ITGAD: variants seen among roughly 807,000 people sequenced by gnomAD.
ITGAD encodes the protein integrin subunit alpha D, also known as integrin alpha-D.
Under a neutral mutation model 139.0 loss-of-function variants are expected in ITGAD, and 105 were observed. The ratio of observed to expected loss-of-function variants is 0.76; its 90% CI spans 0.65 to 0.89. ITGAD has a LOEUF of 0.89. Among genes scored for constraint, ITGAD ranks in the 40% least tolerant of loss-of-function variants. The pLI, the probability that ITGAD is intolerant of heterozygous loss-of-function variation, is 0.00. For missense variants in ITGAD, 1,384 were observed against 1,487.3 expected (o/e 0.93, Z 1.14); for synonymous variants, 569 against 598.3 (o/e 0.95, Z 0.71).
chr16:31,415,011 C>T lies in ITGAD; in HGVS notation c.2283+20C>T. On this transcript the variant is annotated intron_variant, in intron 18 of 29. Transcript: ENST00000389202. ...GCTTCTGTGAGTCTTCTGATGAAGT[C>T]CCAGGGATGTGCTGACTTCATTTTG... The T allele has an allele frequency of 6.2e-7, 1 of 1,613,462 alleles. No homozygotes were observed.
chr16:31,394,346 G>A lies in ITGAD; in HGVS notation c.137+5G>A, dbSNP rs1294056469. The A allele has an allele frequency of 6.2e-7, 1 of 1,607,036 alleles. No homozygotes were observed. The highest frequency in any genetic ancestry group is 1.7e-5 in the Admixed American group (1 of 59,918). ...GGTGCAGTTCGGTGGATCTCGGTAGGCCCCACTCACCCTCCTTCCCCAACC... is the reference window on the plus strand; with the variant it reads ...GGTGCAGTTCGGTGGATCTCGGTAGACCCCACTCACCCTCCTTCCCCAACC... On this transcript the variant is annotated splice_donor_5th_base_variant and intron_variant, in intron 2 of 29. Transcript: ENST00000389202.
chr16:31,393,493 A>C, intron 1 of ITGAD, 102 bp downstream of exon 1: 1 of 1,256,814 alleles, frequency 8.0e-7, no homozygotes, highest in Admixed American at 1.7e-5. Flanking sequence ...AACCACTCTT[A>C]TGAGGAGCTG....
Position 31,418,450 on chromosome 16 carries a change from C to T in ITGAD, c.2697-31C>T, listed in dbSNP as rs774073643. The T allele has an allele frequency of 4.3e-6, 7 of 1,610,132 alleles. No homozygotes were observed. In the Admixed American group the frequency reaches 1.0e-4, roughly 23 times the overall value. On this transcript the variant is annotated intron_variant, in intron 22 of 29. Coordinates refer to ENST00000389202, the MANE Select transcript of ITGAD (RefSeq NM_005353.3). ...GGCTAGAGACCCCTCTCCTGGATTC[C>T]TTCCCATTGGTCCCTCCTTTCTGTC...
chr16:31,399,588 C>T (rs1299937912), intron 5 of ITGAD, among the ~76,000 whole-genome samples: 1 of 152,104 alleles, frequency 6.6e-6, no homozygotes, highest in Admixed American at 6.5e-5. Flanking sequence ...ATCCAGGGTT[C>T]TTGGGGGGAC....
rs2082112674 is a variant in ITGAD, at chr16:31,426,190, A to G, written c.*62A>G. The G allele has an allele frequency of 8.7e-7, 1 of 1,143,082 alleles. No individual in the cohort carries two copies. Among genetic ancestry groups the G allele is most frequent in the Non-Finnish European group, 1.3e-6 (1 of 768,252 alleles). 70.8% of individuals were successfully genotyped at this position (1,143,082 alleles called of 1,614,324 possible). ...TGGACTTGCTTGCAACCATAAATCA[A>G]CTTACATGGAAACAACTTCTGCATA... On this transcript the variant is annotated 3_prime_UTR_variant, in exon 30 of 30. Coordinates refer to ENST00000389202, the MANE Select transcript of ITGAD (RefSeq NM_005353.3).
At chr16:31,397,559 G>A in intron 3 of ITGAD, 37 bp from the exon 4 acceptor site, 1 of 1,604,100 alleles carries the variant, frequency 6.2e-7, no homozygotes. Flanking sequence ...AAATGAGTGT[G>A]TGCTGTGAGT....
chr16:31,415,097 A>G (rs2081851159), intron 18 of ITGAD, 106 bp downstream of exon 18: 1 of 1,316,934 alleles, frequency 7.6e-7, no homozygotes, highest in Admixed American at 1.9e-5. Flanking sequence ...CAGTCCAGAA[A>G]CCTGACTCCA....
intron 22 of ITGAD, 33 bp downstream of exon 22, chr16:31,418,413 A>G: frequency 6.2e-7 from 1 of 1,608,406 alleles, no homozygotes; most frequent in Non-Finnish European, 8.5e-7. Flanking sequence ...CCCACCCTCC[A>G]TCGCATGCCC....
Position 31,418,061 on chromosome 16 carries a change from T to C in ITGAD, c.2500-14T>C, listed in dbSNP as rs759833122. ...CATGCGGGTAACTTCTTAAAATTCA[T>C]TCTCCTCCCCTAGAAGCAGCCCCAT... On this transcript the variant is annotated splice_polypyrimidine_tract_variant and intron_variant, in intron 20 of 29. Coordinates refer to ENST00000389202, the MANE Select transcript of ITGAD (RefSeq NM_005353.3). 4 of 1,610,286 alleles carry C rather than the reference T, an allele frequency of 2.5e-6. No individual in the cohort carries two copies. Among genetic ancestry groups the C allele is most frequent in the Non-Finnish European group, 3.4e-6 (4 of 1,176,636 alleles).
chr16:31,422,060 A>G (rs1174848168), intron 23 of ITGAD, among the ~76,000 whole-genome samples: 5 of 151,250 alleles, frequency 3.3e-5, no homozygotes, highest in Non-Finnish European at 7.4e-5. Context: ...CCTCCTGAGT[A>G]GCTGGGACCA....
Position 31,425,230 on chromosome 16 carries a change from C to T in ITGAD, c.3372+653C>T, listed in dbSNP as rs537044870. Among the ~76,000 whole-genome samples, 4 of 152,176 alleles carry T rather than the reference C, an allele frequency of 2.6e-5. No homozygotes were observed. In the East Asian group the frequency reaches 7.7e-4, roughly 29 times the overall value. Reference sequence around the variant, plus strand: ...AGGACTACAGGCACACACCACCACACCTGGCTATTTTTTGTATTTTTAGTA... The same window carrying T: ...AGGACTACAGGCACACACCACCACATCTGGCTATTTTTTGTATTTTTAGTA... On this transcript the variant is annotated intron_variant, in intron 29 of 29. Transcript: ENST00000389202.
At position 31,411,173 on chromosome 16, in the gene ITGAD, A is replaced by G. The variant is rs752222815; in HGVS notation, c.1454A>G (p.Gln485Arg). The G allele has an allele frequency of 2.5e-6, 4 of 1,613,992 alleles. No individual in the cohort carries two copies. In the East Asian group the frequency reaches 8.9e-5, roughly 36 times the overall value. Residue 485 changes from glutamine (Q) to arginine (R), a missense_variant, in exon 13 of 30, where the codon CAG becomes CGG. Gln to Arg is a conservative substitution (Grantham distance 43). Transcript: ENST00000389202. ...ATTGGGGCCCCCCATTACTATGAGC[A>G]GACCCGAGGGGGCCAGGTGTCCGTG... is the stretch of plus-strand genomic sequence containing the variant. ...ILIGAPHYYE[Q>R]TRGGQVSVCP...
intron 23 of ITGAD, among the ~76,000 whole-genome samples, chr16:31,421,332 G>A (rs2082002047): frequency 6.6e-6 from 1 of 151,140 alleles, no homozygotes; most frequent in Non-Finnish European, 1.5e-5. Flanking sequence ...GGCTGCGCAC[G>A]GTGGCTCGTG....
chr16:31,398,437 A>AC (rs897432860), intron 5 of ITGAD, among the ~76,000 whole-genome samples: 6 of 151,636 alleles, frequency 4.0e-5, no homozygotes, highest in South Asian at 4.2e-4. Flanking sequence ...CAAAAAAAAA[A>AC]AAAAAACAAA....
chr16:31,402,262 TG>T lies in ITGAD; in HGVS notation c.558+21del. 3.1e-6 allele frequency: 1 copy of T among 322,814 alleles called. No homozygotes were observed. Among genetic ancestry groups the T allele is most frequent in the Non-Finnish European group, 4.7e-6 (1 of 212,024 alleles). The allele number at this position is 322,814 out of a possible 1,614,324, so 20.0% of individuals were successfully genotyped here. A position where few individuals can be genotyped will look rare whatever the true frequency, so the allele number is the denominator to read the frequency against. Reference sequence around the variant, plus strand: ...GACACCCTGGTGAAGACTGGGCACCTGGGGCTGGGGTTTGGGGGACGGGGGA... The same window carrying T: ...GACACCCTGGTGAAGACTGGGCACCTGGGCTGGGGTTTGGGGGACGGGGGA... On this transcript the variant is annotated intron_variant, in intron 6 of 29. Transcript: ENST00000389202.
At chr16:31,406,676 A>T (rs2081547807) in intron 7 of ITGAD, among the ~76,000 whole-genome samples, 1 of 152,094 alleles carries the variant, frequency 6.6e-6, no homozygotes, top group Non-Finnish European at 1.5e-5. Flanking sequence ...GACTTCTCTC[A>T]TCGTGGCTCA....
chr16:31,409,308 C>T (rs552374330), intron 10 of ITGAD, among the ~76,000 whole-genome samples: 4 of 150,978 alleles, frequency 2.6e-5, no homozygotes, highest in African/African-American at 9.8e-5. Context: ...ACAACAACAA[C>T]AACAAAAACA....
Position 31,412,955 on chromosome 16 carries a change from G to A in ITGAD, c.1825G>A (p.Val609Met). 1 of 1,608,722 alleles carries A rather than the reference G, an allele frequency of 6.2e-7. No individual in the cohort carries two copies. The highest frequency in any genetic ancestry group is 1.1e-5 in the South Asian group (1 of 90,386). The change falls in exon 15 of 30, where the codon GTG becomes ATG. Residue 609 changes from valine (V) to methionine (M), a missense_variant. Coordinates refer to ENST00000389202, the MANE Select transcript of ITGAD (RefSeq NM_005353.3). The stretch of plus-strand genomic sequence containing the variant: ...CCTGGCCGTGGGGGCCCGGGGCCAG[G>A]TGCTCCTGCTCAGGTAGCGACTCCC... The part of the protein sequence containing the change: ...MDLAVGARGQ[V>M]LLLRSLPVLK...
intron 7 of ITGAD, among the ~76,000 whole-genome samples, chr16:31,406,642 T>C (rs1369903842): frequency 3.3e-5 from 5 of 152,166 alleles, no homozygotes; most frequent in African/African-American, 1.2e-4. Flanking sequence ...CCTTCCTCCA[T>C]GGGTGCCTCC....
Sources: allele counts gnomAD v4.1 joint callset (sites outside exome capture counted in the v4.1 genomes callset), GRCh38; gene constraint gnomAD v4.1.1; transcripts MANE v1.5; gene names NCBI Gene and HGNC (gene_info 2026-07-23, HGNC 2026-07-21).